CCDC138: variants seen among roughly 807,000 people sequenced by gnomAD.
The protein encoded by CCDC138 is coiled-coil domain containing 138.
Under a neutral mutation model 82.3 loss-of-function variants are expected in CCDC138, and 66 were observed. That is an observed-to-expected ratio of 0.80 (90% CI 0.66 to 0.98). CCDC138 has a LOEUF of 0.98. Ranked by LOEUF, CCDC138 falls within the 50% of genes least tolerant of loss-of-function variation. The probability of loss-of-function intolerance (pLI) is 0.00; values close to 1 mark genes in which losing one functional copy is unlikely to be tolerated. For missense variants in CCDC138, 816 were observed against 758.9 expected (o/e 1.08, Z -0.88); for synonymous variants, 297 against 265.4 (o/e 1.12, Z -1.16).
Position 108,876,157 on chromosome 2 carries a change from C to T in CCDC138, c.1902C>T (p.Asn634=). 6.2e-7 allele frequency: 1 copy of T among 1,611,634 alleles called. No homozygotes were observed. The highest frequency in any genetic ancestry group is 8.5e-7 in the Non-Finnish European group (1 of 1,177,894). The change falls in exon 15 of 15, where the codon AAC becomes AAT. Residue 634 remains asparagine, a synonymous_variant. Transcript: ENST00000295124. The stretch of plus-strand genomic sequence containing the variant: ...TTCAAGAAATACAAAGGACAACAAA[C>T]CCAGAGCATGCATTTCTCTGTATTA... ...LMLQEIQRTT[N]PEHAFLCINL... is the part of the protein sequence containing the mutation.
At chr2:108,865,922 C>T (rs1214232146) in intron 13 of CCDC138, among the ~76,000 whole-genome samples, 4 of 152,140 alleles carry the variant, frequency 2.6e-5, no homozygotes, top group Admixed American at 2.0e-4. Context: ...AACCAGTTTT[C>T]TGGGTAGTTC....
chr2:108,800,976 C>A (rs1372512487), intron 6 of CCDC138, among the ~76,000 whole-genome samples: 1 of 78,572 alleles, frequency 1.3e-5, no homozygotes, highest in African/African-American at 4.2e-5. Context: ...TTTATGGCTG[C>A]ATAGTATTCC....
At position 108,856,922 on chromosome 2, in the gene CCDC138, C is replaced by G; in HGVS notation, c.1645C>G (p.Leu549Val). 3.7e-6 allele frequency: 6 copies of G among 1,612,784 alleles called. No individual in the cohort carries two copies. The highest frequency in any genetic ancestry group is 5.1e-6 in the Non-Finnish European group (6 of 1,179,418). Residue 549 changes from leucine to valine, a missense_variant, in exon 13 of 15, where the codon CTC becomes GTC. Leu to Val is a conservative substitution (Grantham distance 32). Transcript: ENST00000295124. The stretch of plus-strand genomic sequence containing the variant: ...TCATCTAAGAATATCCAGTAAAGGA[C>G]TCCTGTCTAATGTTATTGATAGTTT... The part of the protein sequence containing the change: ...LSHLRISSKG[L>V]LSNVIDSLLQ...
rs569796462 is a variant in CCDC138, at chr2:108,822,364, A to G, written c.1206+6259A>G. Among the ~76,000 whole-genome samples the G allele has an allele frequency of 2.4e-4, 36 of 152,356 alleles. 1 individual carries two copies. Among genetic ancestry groups the G allele is most frequent in the Non-Finnish European group, 3.5e-4 (24 of 68,040 alleles). ...AACATAATACTACTAGGAAACTTCAATACCCCACTTTCAGAAACAGATAGA... is the reference window on the plus strand; with the variant it reads ...AACATAATACTACTAGGAAACTTCAGTACCCCACTTTCAGAAACAGATAGA... On this transcript the variant is annotated intron_variant, in intron 10 of 14. Transcript: ENST00000295124.
intron 13 of CCDC138, among the ~76,000 whole-genome samples, chr2:108,859,147 T>G (rs1446156537): frequency 6.6e-6 from 1 of 152,208 alleles, no homozygotes; most frequent in East Asian, 1.9e-4. Context: ...ATTTCAAAGA[T>G]GATTAGTGAT....
At position 108,828,210 on chromosome 2, in the gene CCDC138, C is replaced by T. The variant is rs141166829; in HGVS notation, c.1207-10975C>T. Among the ~76,000 whole-genome samples the T allele has an allele frequency of 4.6e-5, 7 of 151,514 alleles. No individual in the cohort carries two copies. In the East Asian group the frequency reaches 1.4e-3, roughly 29 times the overall value. On this transcript the variant is annotated intron_variant, in intron 10 of 14. Coordinates refer to ENST00000295124, the MANE Select transcript of CCDC138 (RefSeq NM_144978.3). The stretch of plus-strand genomic sequence containing the variant: ...GAGGTTATCGTGAAACCATAGAAAA[C>T]CCAAAAATATAACATTAAATATTTA...
intron 13 of CCDC138, among the ~76,000 whole-genome samples, chr2:108,870,641 A>G (rs1695088230): frequency 6.6e-6 from 1 of 152,240 alleles, no homozygotes; most frequent in Admixed American, 6.5e-5. Flanking sequence ...GTAGACTATT[A>G]TTCAGTCTAA....
At chr2:108,810,058 G>A (rs146243567) in intron 7 of CCDC138, among the ~76,000 whole-genome samples, 151 of 152,128 alleles carry the variant, frequency 9.9e-4, no homozygotes, top group African/African-American at 3.4e-3. Flanking sequence ...CGCCTGCCTC[G>A]GCCTCCCATA....
chr2:108,858,794 C>T (rs147954641), intron 13 of CCDC138, among the ~76,000 whole-genome samples: 84 of 151,668 alleles, frequency 5.5e-4, no homozygotes, highest in African/African-American at 2.0e-3. Flanking sequence ...CAACTGAACT[C>T]GTCATTTAGG....
chr2:108,807,403 G>A (rs1161675167), intron 7 of CCDC138, among the ~76,000 whole-genome samples: 1 of 152,088 alleles, frequency 6.6e-6, no homozygotes. Flanking sequence ...ACATAATTAT[G>A]CATAATTATG....
chr2:108,843,847 TG>T lies in CCDC138; in HGVS notation c.1324-2890del, dbSNP rs1689939335. 5.0e-4 allele frequency among the ~76,000 whole-genome samples: 4 copies of T among 8,024 alleles called. No homozygotes were observed. The Admixed American group carries it at 0.014, about 29-fold the overall frequency. The allele number at this position is 8,024 out of a possible 152,430, so 5.3% of individuals were successfully genotyped here. On this transcript the variant is annotated intron_variant, in intron 11 of 14. Coordinates refer to ENST00000295124, the MANE Select transcript of CCDC138 (RefSeq NM_144978.3). ...ATTATTTCTTCAAGTTCATGTTTTGTGTGTGTGTGTGTGTGTGTGTGTGTGT... is the reference window on the plus strand; with the variant it reads ...ATTATTTCTTCAAGTTCATGTTTTGTTGTGTGTGTGTGTGTGTGTGTGTGT...
At chr2:108,867,758 A>G (rs1028798953) in intron 13 of CCDC138, among the ~76,000 whole-genome samples, 11 of 151,958 alleles carry the variant, frequency 7.2e-5, no homozygotes, top group Non-Finnish European at 1.5e-4. Context: ...AGTTTGAGGG[A>G]TGGGCAACTG....
intron 10 of CCDC138, among the ~76,000 whole-genome samples, chr2:108,826,965 AAGTT>A (rs1341269248): frequency 1.3e-5 from 2 of 152,182 alleles, no homozygotes; most frequent in Non-Finnish European, 2.9e-5. Context: ...TTATTTTGAA[AAGTT>A]AGTTTCACAG....
intron 5 of CCDC138, among the ~76,000 whole-genome samples, chr2:108,796,344 G>A (rs1348416164): frequency 6.6e-6 from 1 of 152,076 alleles, no homozygotes; most frequent in Non-Finnish European, 1.5e-5. Context: ...GTGAGCCACC[G>A]CGCCTGGCCA....
In CCDC138 at chr2:108,846,743, G is replaced by A. The variant is rs139492334; in HGVS notation, c.1329G>A (p.Ser443=). The change falls in exon 12 of 15, where the codon TCG becomes TCA. Residue 443 remains serine (S), a synonymous_variant. Coordinates refer to ENST00000295124, the MANE Select transcript of CCDC138 (RefSeq NM_144978.3). Reference sequence around the variant, plus strand: ...ATTGTACATATTTTTAACAGCACTCGACTATGACATCAACATTGAGGAGAT... The same window carrying A: ...ATTGTACATATTTTTAACAGCACTCAACTATGACATCAACATTGAGGAGAT... The part of the protein sequence containing the change: ...LRQLDAGAQH[S]TMTSTLRRLG... 3.7e-6 allele frequency: 6 copies of A among 1,605,688 alleles called. No homozygotes were observed. The highest frequency in any genetic ancestry group is 2.2e-5 in the South Asian group (2 of 89,570).
chr2:108,866,689 C>G (rs1178144043), intron 13 of CCDC138, among the ~76,000 whole-genome samples: 1 of 152,074 alleles, frequency 6.6e-6, no homozygotes, highest in Non-Finnish European at 1.5e-5. Flanking sequence ...TTGAGACCAG[C>G]CTAGCCAAGA....
At chr2:108,856,704 T>C (rs1692655484) in intron 12 of CCDC138, 90 bp from the exon 13 acceptor site, 6 of 1,211,614 alleles carry the variant, frequency 5.0e-6, no homozygotes, top group African/African-American at 1.6e-5. Context: ...TTGAGTTTGT[T>C]AAAGTAACGA....
intron 7 of CCDC138, among the ~76,000 whole-genome samples, chr2:108,809,290 G>A (rs1301021408): frequency 6.6e-6 from 1 of 152,046 alleles, no homozygotes. Context: ...GATCGCTTTC[G>A]CTTATTTGGG....
intron 7 of CCDC138, among the ~76,000 whole-genome samples, chr2:108,808,943 G>A (rs1241868150): frequency 6.6e-6 from 1 of 152,092 alleles, no homozygotes; most frequent in Non-Finnish European, 1.5e-5. Flanking sequence ...TAGTTGCATA[G>A]TTTTGGGTCT....
Sources: allele counts gnomAD v4.1 joint callset (sites outside exome capture counted in the v4.1 genomes callset), GRCh38; gene constraint gnomAD v4.1.1; transcripts MANE v1.5; gene names NCBI Gene and HGNC (gene_info 2026-07-23, HGNC 2026-07-21).